The following SPHKAP variants were observed in gnomAD, a reference collection of about 807,000 sequenced individuals.
SPHKAP encodes the protein A-kinase anchor protein SPHKAP.
Under a neutral mutation model 137.5 loss-of-function variants are expected in SPHKAP, and 67 were observed. That is an observed-to-expected ratio of 0.49 (90% confidence interval 0.40 to 0.60). The LOEUF (loss-of-function observed/expected upper bound fraction) is 0.60. Ranked by LOEUF, SPHKAP falls within the 20% of genes least tolerant of loss-of-function variation. The pLI is 0.00. For missense variants in SPHKAP, 2,097 were observed against 2,069.3 expected (o/e 1.01, Z -0.26); for synonymous variants, 813 against 785.3 (o/e 1.04, Z -0.59).
At chr2:228,072,293 T>A (rs1042280882) in intron 3 of SPHKAP, among the ~76,000 whole-genome samples, 1 of 152,336 alleles carries the variant, frequency 6.6e-6, no homozygotes, top group East Asian at 1.9e-4. Context: ...ATTCATTGAA[T>A]AAGCAGTTAT....
intron 7 of SPHKAP, among the ~76,000 whole-genome samples, chr2:227,999,034 T>A (rs1168883331): frequency 6.6e-6 from 1 of 152,226 alleles, no homozygotes; most frequent in African/African-American, 2.4e-5. Context: ...TCTCTGAGAA[T>A]GGTTATATTT....
At chr2:227,995,900 T>G (rs1362615230) in intron 7 of SPHKAP, 2 of 972,040 alleles carry the variant, frequency 2.1e-6, no homozygotes, top group African/African-American at 3.5e-5. Context: ...CCATCTCTTC[T>G]ATTAATCTCT....
chr2:228,091,327 T>C (rs952420230), intron 3 of SPHKAP, among the ~76,000 whole-genome samples: 1 of 152,162 alleles, frequency 6.6e-6, no homozygotes, highest in African/African-American at 2.4e-5. Context: ...GAAGATAACA[T>C]TGGAAAACCC....
At chr2:228,121,119 G>A (rs1698888537) in intron 2 of SPHKAP, among the ~76,000 whole-genome samples, 1 of 152,134 alleles carries the variant, frequency 6.6e-6, no homozygotes, top group Non-Finnish European at 1.5e-5. Context: ...CAAAGTACAG[G>A]TAGTGAAGAA....
At chr2:228,042,345 C>T (rs1695885226) in intron 3 of SPHKAP, among the ~76,000 whole-genome samples, 1 of 152,074 alleles carries the variant, frequency 6.6e-6, no homozygotes, top group Non-Finnish European at 1.5e-5. Flanking sequence ...TTTATCAATT[C>T]TTACTATTAT....
chr2:228,022,055 T>C (rs2106220892), intron 5 of SPHKAP, 89 bp from the exon 6 acceptor site: 1 of 1,446,792 alleles, frequency 6.9e-7, no homozygotes, highest in Non-Finnish European at 9.1e-7. Context: ...CAAGCTCTCC[T>C]GTTAATAGGA....
At chr2:228,088,610 C>CA (rs1395249826) in intron 3 of SPHKAP, among the ~76,000 whole-genome samples, 1 of 152,160 alleles carries the variant, frequency 6.6e-6, no homozygotes, top group Non-Finnish European at 1.5e-5. Context: ...AATGTAATTT[C>CA]CAATGTTGGA....
chr2:228,134,681 C>T (rs1158683387), intron 1 of SPHKAP, among the ~76,000 whole-genome samples: 2 of 152,130 alleles, frequency 1.3e-5, no homozygotes, highest in Admixed American at 6.5e-5. Context: ...TTGAACTTGA[C>T]CTCTAAGTCA....
intron 3 of SPHKAP, among the ~76,000 whole-genome samples, chr2:228,031,406 G>A (rs983066892): frequency 6.6e-6 from 1 of 152,220 alleles, no homozygotes; most frequent in Non-Finnish European, 1.5e-5. Context: ...AGCTCAAGGA[G>A]GCCTGCCTGC....
At chr2:228,052,188 A>G (rs986691707) in intron 3 of SPHKAP, among the ~76,000 whole-genome samples, 7 of 152,156 alleles carry the variant, frequency 4.6e-5, no homozygotes, top group Non-Finnish European at 1.0e-4. Context: ...AAAGAACAAA[A>G]AGAAAAAAAA....
chr2:228,107,799 T>A (rs1698389599), intron 3 of SPHKAP, among the ~76,000 whole-genome samples: 1 of 152,194 alleles, frequency 6.6e-6, no homozygotes, highest in South Asian at 2.1e-4. Flanking sequence ...TAATTCTTTG[T>A]GTTTTCCCCA....
chr2:228,141,596 C>T (rs895313608), intron 1 of SPHKAP, among the ~76,000 whole-genome samples: 13 of 152,130 alleles, frequency 8.5e-5, no homozygotes, highest in African/African-American at 1.4e-4. Context: ...CTTCTGCTGA[C>T]TATTAACTAT....
Position 228,074,239 on chromosome 2 carries a change from A to G in SPHKAP, c.246+34593T>C, listed in dbSNP as rs538452926. 2.0e-5 allele frequency among the ~76,000 whole-genome samples: 3 copies of G among 152,354 alleles called. No individual in the cohort carries two copies. In the East Asian group the frequency reaches 5.8e-4, roughly 29 times the overall value. The stretch of plus-strand genomic sequence containing the variant: ...GTGTGTTCAAGTACACAAAATTTAC[A>G]ATGGTTATAAATTGACATAATTCCA... On this transcript the variant is annotated intron_variant, in intron 3 of 11. Transcript: ENST00000392056.
chr2:228,039,644 C>CA (rs1695764648), intron 3 of SPHKAP, among the ~76,000 whole-genome samples: 1 of 152,036 alleles, frequency 6.6e-6, no homozygotes, highest in African/African-American at 2.4e-5. Context: ...GTATTCAATA[C>CA]AAAACACAGT....
chr2:227,985,911 T>A (rs1350751363), intron 11 of SPHKAP, among the ~76,000 whole-genome samples: 1 of 152,176 alleles, frequency 6.6e-6, no homozygotes, highest in African/African-American at 2.4e-5. Flanking sequence ...TAAGCATAAG[T>A]GAGTTGGTCC....
At chr2:228,010,076 C>A (rs1694309089) in intron 7 of SPHKAP, among the ~76,000 whole-genome samples, 1 of 152,170 alleles carries the variant, frequency 6.6e-6, no homozygotes, top group Non-Finnish European at 1.5e-5. Context: ...CTGAACTCTG[C>A]TCAGGATTTC....
At chr2:228,079,085 C>A (rs1697277116) in intron 3 of SPHKAP, among the ~76,000 whole-genome samples, 1 of 152,092 alleles carries the variant, frequency 6.6e-6, no homozygotes. Flanking sequence ...ATAATTTTTT[C>A]ATGGAAGGTC....
intron 1 of SPHKAP, among the ~76,000 whole-genome samples, chr2:228,162,792 G>C (rs987736561): frequency 6.6e-6 from 1 of 152,028 alleles, no homozygotes; most frequent in African/African-American, 2.4e-5. Context: ...TCCGCCTCCC[G>C]GGTTCAGGTG....
At chr2:228,161,219 A>G (rs1053878485) in intron 1 of SPHKAP, among the ~76,000 whole-genome samples, 1 of 152,208 alleles carries the variant, frequency 6.6e-6, no homozygotes, top group Non-Finnish European at 1.5e-5. Context: ...AGTAGGTAGG[A>G]ATGACTAAAA....
Sources: allele counts gnomAD v4.1 joint callset (sites outside exome capture counted in the v4.1 genomes callset), GRCh38; gene constraint gnomAD v4.1.1; transcripts MANE v1.5; gene names NCBI Gene and HGNC (gene_info 2026-07-23, HGNC 2026-07-21).